The following JADE1 variants were observed in gnomAD, a reference collection of about 807,000 sequenced individuals.
JADE1 encodes the protein jade family PHD finger 1.
Under a neutral mutation model 81.8 loss-of-function variants are expected in JADE1, and 14 were observed. The observed-to-expected ratio is 0.17, with a 90% CI of 0.11 to 0.27. The LOEUF (loss-of-function observed/expected upper bound fraction) is 0.27. JADE1 is among the 10% of genes least tolerant of loss of function. JADE1 has a pLI of 1.00. For missense variants in JADE1, 690 were observed against 1,047.9 expected (o/e 0.66, Z 4.71); for synonymous variants, 353 against 391.9 (o/e 0.90, Z 1.17).
chr4:128,867,197 A>C (rs1731844877), intron 9 of JADE1, among the ~76,000 whole-genome samples: 1 of 152,204 alleles, frequency 6.6e-6, no homozygotes, highest in Non-Finnish European at 1.5e-5. Context: ...TCATTGGCAA[A>C]GCTGGAAATT....
chr4:128,837,852 G>A (rs751050168), intron 2 of JADE1, among the ~76,000 whole-genome samples: 25 of 152,160 alleles, frequency 1.6e-4, no homozygotes, highest in Admixed American at 6.5e-4. Flanking sequence ...TTGATCAGTG[G>A]CAAGGTTCTT....
At chr4:128,859,498 T>A (rs1377143829) in intron 8 of JADE1, among the ~76,000 whole-genome samples, 1 of 151,640 alleles carries the variant, frequency 6.6e-6, no homozygotes, top group Non-Finnish European at 1.5e-5. Flanking sequence ...TATGCATGTG[T>A]ATGTGTGTAT....
intron 1 of JADE1, among the ~76,000 whole-genome samples, chr4:128,830,494 A>G (rs1290709873): frequency 6.6e-6 from 1 of 152,134 alleles, no homozygotes; most frequent in Non-Finnish European, 1.5e-5. Context: ...TTTGCTTCCC[A>G]AAGTGCTGGG....
rs185327656 is a variant in JADE1, at chr4:128,864,556, G to A, written c.1503+2331G>A. On this transcript the variant is annotated intron_variant, in intron 9 of 10. Transcript: ENST00000226319. ...TTGAAATCTTTGCCTTGCCCAGAGA[G>A]TTGCAGTTATTTGTAATTATAAACA... is the stretch of plus-strand genomic sequence containing the variant. The A allele has an allele frequency of 1.8e-3, 1,804 of 985,388 alleles. 2 individuals are homozygous for A. Among genetic ancestry groups the A allele is most frequent in the Admixed American group, 2.3e-3 (37 of 16,280 alleles). The allele number at this position is 985,388 out of a possible 1,614,324, so 61.0% of individuals were successfully genotyped here.
intron 1 of JADE1, among the ~76,000 whole-genome samples, chr4:128,820,187 C>T (rs1727433969): frequency 6.6e-6 from 1 of 151,850 alleles, no homozygotes; most frequent in Non-Finnish European, 1.5e-5. Context: ...TCTTGGCTCA[C>T]TGCAACCTCC....
intron 8 of JADE1, among the ~76,000 whole-genome samples, chr4:128,861,192 G>A (rs532318060): frequency 1.3e-5 from 2 of 152,336 alleles, no homozygotes; most frequent in Admixed American, 1.3e-4. Flanking sequence ...ATGCCTGAAA[G>A]TGGACTTTGC....
rs1010982330 is a variant in JADE1, at chr4:128,872,984, G to C, written c.*722G>C. ...GGACTGGTGGAGAGTGAGACTGTTA[G>C]GAAAGTTGTATCTATGAATAAGGGC... is the stretch of plus-strand genomic sequence containing the variant. On this transcript the variant is annotated 3_prime_UTR_variant, in exon 11 of 11. Coordinates refer to ENST00000226319, the MANE Select transcript of JADE1 (RefSeq NM_199320.4). 10 of 449,916 alleles carry C rather than the reference G, an allele frequency of 2.2e-5. No individual in the cohort carries two copies. The highest frequency in any genetic ancestry group is 1.0e-4 in the African/African-American group (5 of 49,786). The allele number at this position is 449,916 out of a possible 1,614,324, so 27.9% of individuals were successfully genotyped here.
Position 128,873,130 on chromosome 4 carries a change from C to T in JADE1, c.*868C>T. The T allele has an allele frequency of 1.2e-5, 3 of 255,270 alleles. 1 individual carries two copies. Among genetic ancestry groups the T allele is most frequent in the Middle Eastern group, 3.1e-3 (2 of 648 alleles). 15.8% of individuals were successfully genotyped at this position (255,270 alleles called of 1,614,324 possible). On this transcript the variant is annotated 3_prime_UTR_variant, in exon 11 of 11. Transcript: ENST00000226319. Reference sequence around the variant, plus strand: ...CCTGGCCATCTGGCTTCCAATAGTACAGTGGCTACTCAAGTTCAAGCGAAG... The same window carrying T: ...CCTGGCCATCTGGCTTCCAATAGTATAGTGGCTACTCAAGTTCAAGCGAAG...
At position 128,846,271 on chromosome 4, in the gene JADE1, A is replaced by G. The variant is rs72918482; in HGVS notation, c.139-104A>G. 2,161 of 1,157,790 alleles carry G rather than the reference A, an allele frequency of 1.9e-3. 25 individuals are homozygous for G. In the African/African-American group the frequency reaches 0.029, roughly 16 times the overall value. The allele number at this position is 1,157,790 out of a possible 1,614,324, so 71.7% of individuals were successfully genotyped here. A position where few individuals can be genotyped will look rare whatever the true frequency, so the allele number is the denominator to read the frequency against. On this transcript the variant is annotated intron_variant, in intron 3 of 10. Transcript: ENST00000226319. The surrounding 1 kb of genome is among the most constrained non-coding windows in gnomAD (Gnocchi z 4.0). ...GGTCAGGCTTGTTCTATGTTGATAC[A>G]GTGACCTTGTTACATGGCAGCTCCA...
chr4:128,811,648 G>T (rs1726392451), intron 1 of JADE1, among the ~76,000 whole-genome samples: 1 of 141,858 alleles, frequency 7.0e-6, no homozygotes, highest in African/African-American at 2.6e-5. Context: ...GTGGGGGGTT[G>T]CGGGGGCGGG....
At chr4:128,835,144 A>G (rs1324882064) in intron 2 of JADE1, among the ~76,000 whole-genome samples, 1 of 152,222 alleles carries the variant, frequency 6.6e-6, no homozygotes, top group Non-Finnish European at 1.5e-5. Flanking sequence ...TAGGTTATCA[A>G]AGGGTTAGCC....
intron 1 of JADE1, among the ~76,000 whole-genome samples, chr4:128,828,405 G>C (rs753576540): frequency 2.6e-5 from 4 of 152,084 alleles, no homozygotes; most frequent in Non-Finnish European, 5.9e-5. Context: ...TTGATTTTCT[G>C]ATACAGTAAG....
chr4:128,831,777 C>G lies in JADE1; in HGVS notation c.19C>G (p.Pro7Ala), dbSNP rs1728578203. The stretch of plus-strand genomic sequence containing the variant: ...GGAGATCATGAAACGAGGTCGCCTT[C>G]CCAGCAGCAGTGAGGATTCTGACGA... The part of the protein sequence containing the change: MKRGRL[P>A]SSSEDSDDNG... Residue 7 changes from proline (P) to alanine (A), a missense_variant, in exon 2 of 11, where the codon CCC becomes GCC. By Grantham distance (27) the Pro-to-Ala change is conservative. This residue lies in a region of JADE1 where 59 missense variants were observed against 52.8 expected (regional missense o/e 1.12). Transcript: ENST00000226319. 3.1e-6 allele frequency: 5 copies of G among 1,614,146 alleles called. No individual in the cohort carries two copies. In the East Asian group the frequency reaches 8.9e-5, roughly 29 times the overall value.
intron 6 of JADE1, among the ~76,000 whole-genome samples, chr4:128,854,124 C>A (rs1411999248): frequency 1.3e-5 from 2 of 151,912 alleles, no homozygotes; most frequent in African/African-American, 4.8e-5. Flanking sequence ...AAGCTTTCTG[C>A]TTGAAAACTG....
intron 1 of JADE1, among the ~76,000 whole-genome samples, chr4:128,822,623 G>C (rs577401550): frequency 1.9e-4 from 29 of 152,102 alleles, no homozygotes; most frequent in Middle Eastern, 3.4e-3. Flanking sequence ...GGAGGCTGAA[G>C]CAGGAGAATC....
intron 9 of JADE1, among the ~76,000 whole-genome samples, chr4:128,865,576 T>C (rs1382888676): frequency 2.0e-5 from 3 of 152,192 alleles, no homozygotes; most frequent in African/African-American, 7.2e-5. Context: ...TGGAGGTTGC[T>C]GAGCGTTGTC....
rs376617385 is a variant in JADE1, at chr4:128,865,581, G to A, written c.1504-2275G>A. Among the ~76,000 whole-genome samples, 59 of 152,260 alleles carry A rather than the reference G, an allele frequency of 3.9e-4. No homozygotes were observed. The East Asian group carries it at 0.01, about 27-fold the overall frequency. On this transcript the variant is annotated intron_variant, in intron 9 of 10. Coordinates refer to ENST00000226319, the MANE Select transcript of JADE1 (RefSeq NM_199320.4). ...GCTCTGCAGGTGGAGGTTGCTGAGC[G>A]TTGTCCTATAGGGAACTTTATGCAT... is the stretch of plus-strand genomic sequence containing the variant.
rs963493922 is a variant in JADE1, at chr4:128,846,708, A to C, written c.296+176A>C. 2.0e-5 allele frequency among the ~76,000 whole-genome samples: 3 copies of C among 152,230 alleles called. No homozygotes were observed. Among genetic ancestry groups the C allele is most frequent in the Non-Finnish European group, 4.4e-5 (3 of 68,044 alleles). ...CAGGAGCAACATACTTCAGGCATAC[A>C]GGGTAGTGGTTTTGAGGGCCATGAG... On this transcript the variant is annotated intron_variant, in intron 4 of 10. Transcript: ENST00000226319. The surrounding 1 kb of genome is among the most constrained non-coding windows in gnomAD (Gnocchi z 4.0).
At chr4:128,855,490 C>A in intron 6 of JADE1, 140 bp from the exon 7 acceptor site, 2 of 871,346 alleles carry the variant, frequency 2.3e-6, no homozygotes, top group Non-Finnish European at 3.3e-6. Flanking sequence ...ACGGTCGTAG[C>A]CAGGAAGCTG....
Sources: allele counts gnomAD v4.1 joint callset (sites outside exome capture counted in the v4.1 genomes callset), GRCh38; gene constraint gnomAD v4.1.1; regional missense constraint gnomAD v4.1.1; non-coding constraint Gnocchi (gnomAD v3.1); transcripts MANE v1.5; gene names NCBI Gene and HGNC (gene_info 2026-07-23, HGNC 2026-07-21).